The following MTIF2 variants were observed in gnomAD, a reference collection of about 807,000 sequenced individuals.
The protein encoded by MTIF2 is translation initiation factor IF-2, mitochondrial.
MTIF2 carries 71 observed loss-of-function variants against 83.5 expected under a neutral mutation model. The ratio of observed to expected loss-of-function variants is 0.85; its 90% confidence interval spans 0.70 to 1.04. MTIF2 has a LOEUF of 1.04. Ranked by LOEUF, MTIF2 falls within the 50% of genes least tolerant of loss-of-function variation. MTIF2 has a pLI of 0.00. For synonymous variants in MTIF2, 319 were observed against 287.1 expected, an observed-to-expected ratio of 1.11 and a Z score of -1.12; for missense variants, 957 against 846.5, an observed-to-expected ratio of 1.13 and a Z score of -1.62.
intron 13 of MTIF2, among the ~76,000 whole-genome samples, chr2:55,241,909 A>G (rs1302573870): frequency 6.6e-6 from 1 of 152,122 alleles, no homozygotes; most frequent in Non-Finnish European, 1.5e-5. Context: ...GCACTTTGGG[A>G]GGCCAAAACA....
At chr2:55,243,924 A>T (rs1236147242) in intron 11 of MTIF2, 105 bp downstream of exon 11, 1 of 1,074,292 alleles carries the variant, frequency 9.3e-7, no homozygotes, top group African/African-American at 1.6e-5. Context: ...AGCCCCTTAT[A>T]ATCTAGATTT....
intron 3 of MTIF2, among the ~76,000 whole-genome samples, chr2:55,266,027 C>T (rs1678402494): frequency 6.6e-6 from 1 of 152,024 alleles, no homozygotes; most frequent in East Asian, 1.9e-4. Context: ...TAAATATACG[C>T]CATTTTATAT....
At chr2:55,250,859 T>TA (rs2104380180) in intron 8 of MTIF2, among the ~76,000 whole-genome samples, 1 of 152,210 alleles carries the variant, frequency 6.6e-6, no homozygotes, top group African/African-American at 2.4e-5. Flanking sequence ...CTCATACCTG[T>TA]AATCCCAGGA....
chr2:55,251,558 T>C (rs1214886119), intron 8 of MTIF2, among the ~76,000 whole-genome samples: 1 of 152,190 alleles, frequency 6.6e-6, no homozygotes, highest in African/African-American at 2.4e-5. Flanking sequence ...TGACACACTT[T>C]ATCGAGTACA....
At chr2:55,245,981 G>A (rs753718088) in intron 10 of MTIF2, among the ~76,000 whole-genome samples, 19 of 152,042 alleles carry the variant, frequency 1.2e-4, no homozygotes, top group Non-Finnish European at 2.4e-4. Context: ...AAAGTATAAA[G>A]AATTCACAAA....
intron 10 of MTIF2, among the ~76,000 whole-genome samples, chr2:55,244,753 A>T (rs1676573863): frequency 6.7e-6 from 1 of 148,738 alleles, no homozygotes; most frequent in Non-Finnish European, 1.5e-5. Context: ...TATCTCAATT[A>T]AAAAAAAAAT....
intron 15 of MTIF2, 56 bp downstream of exon 15, chr2:55,237,232 G>C (rs1675906746): frequency 6.5e-7 from 1 of 1,545,742 alleles, no homozygotes; most frequent in Admixed American, 1.9e-5. Context: ...TGGTTATATA[G>C]TCAACAGGTC....
At chr2:55,260,470 C>T (rs1462252266) in intron 5 of MTIF2, among the ~76,000 whole-genome samples, 1 of 150,462 alleles carries the variant, frequency 6.6e-6, no homozygotes, top group East Asian at 1.9e-4. Context: ...TGTACATGCA[C>T]AAAAAGTAGT....
intron 9 of MTIF2, among the ~76,000 whole-genome samples, chr2:55,247,639 C>T (rs1425873953): frequency 1.4e-4 from 21 of 152,172 alleles, no homozygotes; most frequent in Non-Finnish European, 2.8e-4. Flanking sequence ...TACCCACCCA[C>T]TTATTCCTAG....
In MTIF2 at chr2:55,242,979, C is replaced by A. The variant is rs11357; in HGVS notation, c.1666G>T (p.Val556Leu). 1 of 1,610,802 alleles carries A rather than the reference C, an allele frequency of 6.2e-7. No homozygotes were observed. The change falls in exon 13 of 16, where the codon GTA (valine) becomes TTA (leucine). Residue 556 changes from valine (V) to leucine (L), a missense_variant. By Grantham distance (32) the Val-to-Leu change is conservative. Coordinates refer to ENST00000263629, the MANE Select transcript of MTIF2 (RefSeq NM_002453.3). ...LELVHFGVGD[V>L]SANDVNLAET... ...GCAAGGTTAACATCATTTGCACTTA[C>A]ATCACCCACTCCAAAATGTACTAAT...
chr2:55,237,225 T>A, intron 15 of MTIF2, 63 bp downstream of exon 15: 1 of 1,516,146 alleles, frequency 6.6e-7, no homozygotes. Flanking sequence ...TTTCAGATGG[T>A]TATATAGTCA....
chr2:55,263,669 A>G lies in MTIF2; in HGVS notation c.190T>C (p.Ser64Pro). 1 of 1,613,960 alleles carries G rather than the reference A, an allele frequency of 6.2e-7. No individual in the cohort carries two copies. Among genetic ancestry groups the G allele is most frequent in the South Asian group, 1.1e-5 (1 of 91,066 alleles). ...PTDVLTGAAL[S>P]QYRLLVTKKE... Reference sequence around the variant, plus strand: ...TTTGTTACTAGAAGCCTATACTGAGATAAAGCAGCCCCAGTGAGCACATCT... The same window carrying G: ...TTTGTTACTAGAAGCCTATACTGAGGTAAAGCAGCCCCAGTGAGCACATCT... The change falls in exon 4 of 16, where the codon TCT becomes CCT. Residue 64 changes from serine to proline, a missense_variant. Ser to Pro is a moderately conservative substitution (Grantham distance 74). Coordinates refer to ENST00000263629, the MANE Select transcript of MTIF2 (RefSeq NM_002453.3).
chr2:55,242,795 G>A, intron 13 of MTIF2, 145 bp downstream of exon 13: 1 of 744,152 alleles, frequency 1.3e-6, no homozygotes. Context: ...AGTTTCAATT[G>A]CTAGCTGGGA....
intron 9 of MTIF2, among the ~76,000 whole-genome samples, chr2:55,248,078 C>A: frequency 6.6e-6 from 1 of 152,042 alleles, no homozygotes; most frequent in Non-Finnish European, 1.5e-5. Flanking sequence ...TTTATAGAGA[C>A]AAGGTCTCAT....
chr2:55,255,430 G>C (rs968793611), intron 5 of MTIF2, among the ~76,000 whole-genome samples: 3 of 122,672 alleles, frequency 2.4e-5, no homozygotes, highest in Non-Finnish European at 5.4e-5. Flanking sequence ...ATCTCAATAT[G>C]ATATATTATG....
chr2:55,266,740 G>A (rs1363008906), intron 3 of MTIF2, among the ~76,000 whole-genome samples: 1 of 147,690 alleles, frequency 6.8e-6, no homozygotes. Context: ...TAGATAACTA[G>A]GCATTAAATG....
intron 7 of MTIF2, among the ~76,000 whole-genome samples, chr2:55,252,982 T>C (rs890309232): frequency 6.6e-6 from 1 of 152,150 alleles, no homozygotes; most frequent in Non-Finnish European, 1.5e-5. Context: ...ACCCTCACAT[T>C]AGCAAATCAG....
chr2:55,250,946 C>T (rs1049058515), intron 8 of MTIF2, among the ~76,000 whole-genome samples: 1 of 151,714 alleles, frequency 6.6e-6, no homozygotes, highest in African/African-American at 2.4e-5. Context: ...CCCATCTCTA[C>T]TAAAAATACA....
intron 8 of MTIF2, among the ~76,000 whole-genome samples, chr2:55,250,325 C>A (rs945380905): frequency 6.6e-6 from 1 of 151,570 alleles, no homozygotes; most frequent in Non-Finnish European, 1.5e-5. Flanking sequence ...AGTTCAAACC[C>A]GTGATGTTCA....
Sources: gnomAD v4.1 joint callset for allele counts (sites outside exome capture counted in the v4.1 genomes callset) on GRCh38, gnomAD v4.1.1 for gene constraint, MANE v1.5 for transcripts, NCBI Gene and HGNC (gene_info 2026-07-23, HGNC 2026-07-21) for gene names.